Variants in KNDC1 observed in about 807,000 individuals in gnomAD.
KNDC1 encodes the protein kinase non-catalytic C-lobe domain-containing protein 1.
Under a neutral mutation model 172.8 loss-of-function variants are expected in KNDC1, and 106 were observed. The observed-to-expected ratio is 0.61, with a 90% CI of 0.52 to 0.72. KNDC1 has a LOEUF of 0.72. KNDC1 is among the 30% of genes least tolerant of loss of function. The pLI is 0.00. For synonymous variants in KNDC1, 1,083 were observed against 1,062.2 expected, an observed-to-expected ratio of 1.02 and a Z score of -0.38; for missense variants, 2,325 against 2,394.5, an observed-to-expected ratio of 0.97 and a Z score of 0.61.
chr10:133,215,989 A>G (rs1845463065), intron 26 of KNDC1, among the ~76,000 whole-genome samples: 1 of 152,250 alleles, frequency 6.6e-6, no homozygotes, highest in African/African-American at 2.4e-5. Flanking sequence ...CACTTCTAAA[A>G]GCACCACGCT....
intron 3 of KNDC1, among the ~76,000 whole-genome samples, chr10:133,170,834 AG>A (rs1323389297): frequency 6.6e-6 from 1 of 152,152 alleles, no homozygotes; most frequent in Non-Finnish European, 1.5e-5. Flanking sequence ...ACGTGGCCCC[AG>A]CCCCAACCCC....
Position 133,210,925 on chromosome 10 carries a change from G to A in KNDC1, c.3908+201G>A, listed in dbSNP as rs753621792. On this transcript the variant is annotated intron_variant, in intron 21 of 29. Coordinates refer to ENST00000304613, the MANE Select transcript of KNDC1 (RefSeq NM_152643.8). ...CGGAGAAAGCAGCTGGGGCAGGAGGGCGGTGGCCTGGGCACCTGGGAGCTC... is the reference window on the plus strand; with the variant it reads ...CGGAGAAAGCAGCTGGGGCAGGAGGACGGTGGCCTGGGCACCTGGGAGCTC... Among the ~76,000 whole-genome samples, 58 of 152,196 alleles carry A rather than the reference G, an allele frequency of 3.8e-4. 1 individual carries two copies. Among genetic ancestry groups the A allele is most frequent in the Non-Finnish European group, 5.9e-5 (4 of 68,018 alleles).
intron 3 of KNDC1, among the ~76,000 whole-genome samples, chr10:133,169,584 C>CG (rs1157674402): frequency 6.6e-6 from 1 of 152,122 alleles, no homozygotes; most frequent in Non-Finnish European, 1.5e-5. Context: ...GCCTCTGCTG[C>CG]GGGGGTCCTA....
chr10:133,171,486 G>T (rs1441416679), intron 3 of KNDC1, among the ~76,000 whole-genome samples: 2 of 152,192 alleles, frequency 1.3e-5, no homozygotes, highest in Non-Finnish European at 2.9e-5. Flanking sequence ...TGCCCAGGCT[G>T]GTCTTGAACT....
At chr10:133,177,874 C>T (rs111068463) in intron 3 of KNDC1, among the ~76,000 whole-genome samples, 2,180 of 149,942 alleles carry the variant, frequency 0.015, 54 homozygotes, top group African/African-American at 0.051. Context: ...ACGTGTGTAG[C>T]ATGGTGTGTG....
chr10:133,168,358 A>G (rs752940809), intron 3 of KNDC1, 46 bp downstream of exon 3: 6 of 1,562,588 alleles, frequency 3.8e-6, no homozygotes, highest in African/African-American at 2.7e-5. Flanking sequence ...TTTTACCTCT[A>G]TGGTGGCCTC....
At chr10:133,193,630 G>T (rs928237344) in intron 9 of KNDC1, among the ~76,000 whole-genome samples, 23 of 152,186 alleles carry the variant, frequency 1.5e-4, no homozygotes, top group African/African-American at 5.5e-4. Flanking sequence ...GAAGAAGATT[G>T]ACAGAGTAAT....
rs1217565004 is a variant in KNDC1 at position 133,186,534 on chromosome 10, C to T, written c.1186C>T (p.Pro396Ser). 1 of 1,611,878 alleles carries T rather than the reference C, an allele frequency of 6.2e-7. No individual in the cohort carries two copies. The highest frequency in any genetic ancestry group is 8.5e-7 in the Non-Finnish European group (1 of 1,179,860). Reference protein sequence around the residue: ...GPGVPGSPGQPETSHPSQGPA... With the variant: ...GPGVPGSPGQSETSHPSQGPA... ...TGGGGTGCCCGGCAGTCCAGGACAG[C>T]CCGAGACTTCACACCCCAGCCAGGG... The change falls in exon 6 of 30, where the codon CCC becomes TCC. Residue 396 changes from proline (P) to serine (S), a missense_variant. By Grantham distance (74) the Pro-to-Ser change is moderately conservative. Transcript: ENST00000304613.
chr10:133,218,845 G>A lies in KNDC1; in HGVS notation c.4692G>A (p.Leu1564=). 2.5e-6 allele frequency: 4 copies of A among 1,611,602 alleles called. No homozygotes were observed. The highest frequency in any genetic ancestry group is 3.4e-6 in the Non-Finnish European group (4 of 1,177,910). Residue 1564 remains leucine, a synonymous_variant, in exon 27 of 30, where the codon TTG becomes TTA. Coordinates refer to ENST00000304613, the MANE Select transcript of KNDC1 (RefSeq NM_152643.8). Reference sequence around the variant, plus strand: ...TCTTATTGCAGCTGCAGGTGAACTTGCTGTCCAAATTTTTGCTGATTGCAA... The same window carrying A: ...TCTTATTGCAGCTGCAGGTGAACTTACTGTCCAAATTTTTGCTGATTGCAA... ...TSHTSKLQVN[L]LSKFLLIAKS... is the part of the protein sequence containing the mutation.
rs1324046069 is a variant in KNDC1 at position 133,209,192 on chromosome 10, AGT to A, written c.3795-1415_3795-1414del. Among the ~76,000 whole-genome samples, 1 of 145,082 alleles carries A rather than the reference AGT, an allele frequency of 6.9e-6. No homozygotes were observed. Among genetic ancestry groups the A allele is most frequent in the African/African-American group, 2.6e-5 (1 of 38,654 alleles). On this transcript the variant is annotated intron_variant, in intron 20 of 29. Coordinates refer to ENST00000304613, the MANE Select transcript of KNDC1 (RefSeq NM_152643.8). The surrounding 1 kb of genome is among the most constrained non-coding windows in gnomAD (Gnocchi z 4.9). ...TGCATGTGTGTATGGCATGGGGTGT[AGT>A]GTGGCGTGTACACGTGTGTGGTTGG...
Position 133,203,412 on chromosome 10 carries a change from C to G in KNDC1, c.3387+1514C>G, listed in dbSNP as rs1483585453. 3.9e-5 allele frequency among the ~76,000 whole-genome samples: 6 copies of G among 152,280 alleles called. No individual in the cohort carries two copies. In the East Asian group the frequency reaches 1.2e-3, roughly 29 times the overall value. On this transcript the variant is annotated intron_variant, in intron 17 of 29. Transcript: ENST00000304613. Reference sequence around the variant, plus strand: ...GTTTCTCTTGGAGGAGCTACTGTGTCTCTTTCAAAACAGGAGGCTCAGAAA... The same window carrying G: ...GTTTCTCTTGGAGGAGCTACTGTGTGTCTTTCAAAACAGGAGGCTCAGAAA...
intron 1 of KNDC1, among the ~76,000 whole-genome samples, chr10:133,162,723 G>A (rs1330857833): frequency 4.6e-5 from 7 of 152,270 alleles, no homozygotes; most frequent in South Asian, 2.1e-4. Flanking sequence ...TGGCAAGGAC[G>A]GCGCAGCAGC....
At chr10:133,194,586 T>C (rs1164841898) in intron 9 of KNDC1, among the ~76,000 whole-genome samples, 1 of 152,222 alleles carries the variant, frequency 6.6e-6, no homozygotes, top group East Asian at 1.9e-4. Context: ...ATTTCCTACT[T>C]ATCTGACTCT....
chr10:133,218,435 G>C (rs1041919589), intron 26 of KNDC1, among the ~76,000 whole-genome samples: 1 of 152,182 alleles, frequency 6.6e-6, no homozygotes, highest in Non-Finnish European at 1.5e-5. Flanking sequence ...TTGGGGGGTG[G>C]GCACGGAGCT....
intron 9 of KNDC1, among the ~76,000 whole-genome samples, 173 bp from the exon 10 acceptor site, chr10:133,195,490 C>T (rs1216061153): frequency 1.3e-5 from 2 of 152,154 alleles, no homozygotes; most frequent in African/African-American, 4.8e-5. Context: ...GACCTGGAGG[C>T]GGATGCAGGG....
At chr10:133,198,195 C>A in intron 12 of KNDC1, 142 bp from the exon 13 acceptor site, 1 of 1,017,894 alleles carries the variant, frequency 9.8e-7, no homozygotes, top group Non-Finnish European at 1.4e-6. Flanking sequence ...GGGCCCAGCA[C>A]AGAGGAAGCC....
chr10:133,203,685 T>C (rs1854442758), intron 17 of KNDC1, among the ~76,000 whole-genome samples: 1 of 152,232 alleles, frequency 6.6e-6, no homozygotes, highest in Non-Finnish European at 1.5e-5. Context: ...AGAGTCAGCG[T>C]GGACAGCACT....
intron 29 of KNDC1, among the ~76,000 whole-genome samples, chr10:133,221,652 G>A (rs1022891971): frequency 2.0e-5 from 3 of 152,344 alleles, no homozygotes; most frequent in Admixed American, 2.0e-4. Context: ...GGTGCCCATG[G>A]ATCCTCAGCC....
intron 24 of KNDC1, among the ~76,000 whole-genome samples, 198 bp from the exon 25 acceptor site, chr10:133,213,447 C>T (rs1401900955): frequency 6.6e-6 from 1 of 152,240 alleles, no homozygotes; most frequent in African/African-American, 2.4e-5. Flanking sequence ...ACGAGGGCTG[C>T]CCCGGACACC....
Sources: allele counts gnomAD v4.1 joint callset (sites outside exome capture counted in the v4.1 genomes callset), GRCh38; gene constraint gnomAD v4.1.1; non-coding constraint Gnocchi (gnomAD v3.1); transcripts MANE v1.5; gene names NCBI Gene and HGNC (gene_info 2026-07-23, HGNC 2026-07-21).